The following SSR1 variants were observed in gnomAD, a reference collection of about 807,000 sequenced individuals.
SSR1 encodes the protein translocon-associated protein subunit alpha.
In SSR1, 13 loss-of-function variants were observed where a neutral mutation model predicts 36.1. The ratio of observed to expected loss-of-function variants is 0.36; its 90% CI spans 0.23 to 0.57. SSR1 has a LOEUF of 0.57. Ranked by LOEUF, SSR1 falls within the 20% of genes least tolerant of loss-of-function variation. The pLI is 0.81. For missense variants in SSR1, 291 were observed against 338.5 expected, an observed-to-expected ratio of 0.86 and a Z score of 1.10; for synonymous variants, 113 against 118.9, an observed-to-expected ratio of 0.95 and a Z score of 0.32.
At chr6:7,310,753 A>G (rs1308005582) in intron 1 of SSR1, among the ~76,000 whole-genome samples, 1 of 152,124 alleles carries the variant, frequency 6.6e-6, no homozygotes, top group African/African-American at 2.4e-5. Flanking sequence ...TCTACTGAAA[A>G]TGCAAAAATT....
chr6:7,295,371 C>T, intron 7 of SSR1, 21 bp downstream of exon 7: 3 of 1,573,048 alleles, frequency 1.9e-6, no homozygotes, highest in Non-Finnish European at 2.6e-6. Flanking sequence ...ACTTCCCAGC[C>T]AAGTCTGTAA....
intron 5 of SSR1, 79 bp from the exon 6 acceptor site, chr6:7,298,080 CATAAT>C: frequency 9.5e-7 from 1 of 1,047,872 alleles, no homozygotes; most frequent in South Asian, 1.5e-5. Flanking sequence ...AATTATAACA[CATAAT>C]AGAAGCTTTC....
chr6:7,300,978 T>C (rs1389761923), intron 4 of SSR1, among the ~76,000 whole-genome samples: 1 of 152,190 alleles, frequency 6.6e-6, no homozygotes, highest in Non-Finnish European at 1.5e-5. Context: ...GTAGACTCCA[T>C]TGTGTGTCTT....
rs1394766483 is a variant in SSR1 at position 7,285,684 on chromosome 6, A to AAAAAAG, written c.*4174_*4179dup. 6 of 114,640 alleles carry AAAAAAG rather than the reference A, an allele frequency of 5.2e-5. No homozygotes were observed. Among genetic ancestry groups the AAAAAAG allele is most frequent in the African/African-American group, 2.1e-4 (6 of 28,544 alleles). The allele number at this position is 114,640 out of a possible 1,614,324, so 7.1% of individuals were successfully genotyped here. On this transcript the variant is annotated 3_prime_UTR_variant, in exon 8 of 8. Transcript: ENST00000244763. The surrounding 1 kb of genome is among the most constrained non-coding windows in gnomAD (Gnocchi z 4.1). ...ATACAGTGAGACCCCATGTCAAAAA[A>AAAAAAG]AAAAAGAAAAAGAAAAAGAAAAAAG...
rs776215797 is a variant in SSR1 at position 7,301,309 on chromosome 6, C to T, written c.543+1G>A. 2 of 1,612,908 alleles carry T rather than the reference C, an allele frequency of 1.2e-6. No individual in the cohort carries two copies. Among genetic ancestry groups the T allele is most frequent in the African/African-American group, 1.3e-5 (1 of 74,934 alleles). The stretch of plus-strand genomic sequence containing the variant: ...CAAAAAGAAGGTTTAGAGGATCTTA[C>T]GTTCAAATCTTTGTAGTTCAGATTG... On this transcript the variant is annotated splice_donor_variant, in intron 4 of 7. Coordinates refer to ENST00000244763, the MANE Select transcript of SSR1 (RefSeq NM_003144.5). LOFTEE classifies it high-confidence loss of function.
chr6:7,302,202 C>T (rs1411682175), intron 3 of SSR1, among the ~76,000 whole-genome samples: 1 of 152,182 alleles, frequency 6.6e-6, no homozygotes, highest in Non-Finnish European at 1.5e-5. Context: ...AAATTCATAA[C>T]TTTCAATATT....
At chr6:7,291,821 C>T (rs929522081) in intron 7 of SSR1, among the ~76,000 whole-genome samples, 33 of 152,236 alleles carry the variant, frequency 2.2e-4, no homozygotes, top group African/African-American at 7.9e-4. Context: ...CCTATAATCC[C>T]AGCACTTTGG....
chr6:7,285,690 GAAAA>G lies in SSR1; in HGVS notation c.*4170_*4173del, dbSNP rs1757537072. On this transcript the variant is annotated 3_prime_UTR_variant, in exon 8 of 8. Coordinates refer to ENST00000244763, the MANE Select transcript of SSR1 (RefSeq NM_003144.5). The surrounding 1 kb of genome is among the most constrained non-coding windows in gnomAD (Gnocchi z 4.1). ...TGAGACCCCATGTCAAAAAAAAAAA[GAAAA>G]AGAAAAAGAAAAAAGATAAAAGCAG... 9.0e-6 allele frequency: 1 copy of G among 111,086 alleles called. No homozygotes were observed. Among genetic ancestry groups the G allele is most frequent in the Non-Finnish European group, 2.0e-5 (1 of 50,438 alleles). 6.9% of individuals were successfully genotyped at this position (111,086 alleles called of 1,614,324 possible).
Position 7,282,703 on chromosome 6 carries a change from T to TA in SSR1, c.*7160dup, listed in dbSNP as rs1349211342. ...AAGTAAGGAGTCAAGACAAAACACTTAGAGTGACCTTTTGGCCACTGCTGT... is the reference window on the plus strand; with the variant it reads ...AAGTAAGGAGTCAAGACAAAACACTTAAGAGTGACCTTTTGGCCACTGCTGT... On this transcript the variant is annotated 3_prime_UTR_variant, in exon 8 of 8. Transcript: ENST00000244763. 2.0e-5 allele frequency: 3 copies of TA among 152,258 alleles called. No homozygotes were observed. Among genetic ancestry groups the TA allele is most frequent in the African/African-American group, 7.2e-5 (3 of 41,464 alleles). The allele number at this position is 152,258 out of a possible 1,614,324, so 9.4% of individuals were successfully genotyped here. A position where few individuals can be genotyped will look rare whatever the true frequency, so the allele number is the denominator to read the frequency against.
In SSR1 at chr6:7,301,508, A is replaced by G; in HGVS notation, c.345T>C (p.Phe115=). The change falls in exon 4 of 8, where the codon TTT becomes TTC. Residue 115 remains phenylalanine (F), a synonymous_variant. Coordinates refer to ENST00000244763, the MANE Select transcript of SSR1 (RefSeq NM_003144.5). ...VGFTNKGTED[F]IVESLDASFR... ...ATGAGGCATCTAAGGATTCAACAAT[A>G]AAATCTTCTGTACCCTTGTTGGTAA... The G allele has an allele frequency of 6.2e-7, 1 of 1,614,122 alleles. No homozygotes were observed. The highest frequency in any genetic ancestry group is 8.5e-7 in the Non-Finnish European group (1 of 1,179,988).
chr6:7,289,081 G>C lies in SSR1; in HGVS notation c.*783C>G, dbSNP rs1325348046. 1 of 152,088 alleles carries C rather than the reference G, an allele frequency of 6.6e-6. No homozygotes were observed. Among genetic ancestry groups the C allele is most frequent in the African/African-American group, 2.4e-5 (1 of 41,394 alleles). The allele number at this position is 152,088 out of a possible 1,614,324, so 9.4% of individuals were successfully genotyped here. A position where few individuals can be genotyped will look rare whatever the true frequency, so the allele number is the denominator to read the frequency against. On this transcript the variant is annotated 3_prime_UTR_variant, in exon 8 of 8. Transcript: ENST00000244763. ...AACCTACACACAACTGAGTGAGTAG[G>C]TCTAAAATCACTCCAGAGCTACCTC...
At chr6:7,307,701 T>G (rs1176437370) in intron 2 of SSR1, among the ~76,000 whole-genome samples, 2 of 152,156 alleles carry the variant, frequency 1.3e-5, no homozygotes, top group Non-Finnish European at 2.9e-5. Flanking sequence ...CTCAGCTAAT[T>G]TTTTTAGTAG....
chr6:7,310,777 G>A (rs1403455874), intron 1 of SSR1, among the ~76,000 whole-genome samples: 3 of 152,116 alleles, frequency 2.0e-5, no homozygotes, highest in African/African-American at 7.2e-5. Context: ...TGGGTGTGGT[G>A]GCACACACCT....
chr6:7,303,730 C>T, intron 2 of SSR1, 93 bp from the exon 3 acceptor site: 1 of 932,634 alleles, frequency 1.1e-6, no homozygotes, highest in Non-Finnish European at 1.6e-6. Flanking sequence ...GTGGCTCACA[C>T]TTATAATCTC....
At chr6:7,291,889 T>C (rs557134688) in intron 7 of SSR1, among the ~76,000 whole-genome samples, 6 of 151,920 alleles carry the variant, frequency 3.9e-5, no homozygotes, top group African/African-American at 1.2e-4. Flanking sequence ...CTGGGCAACA[T>C]GGTGAAACCC....
chr6:7,313,176 C>T lies in SSR1; in HGVS notation c.-56G>A. 1 of 1,497,098 alleles carries T rather than the reference C, an allele frequency of 6.7e-7. No individual in the cohort carries two copies. The highest frequency in any genetic ancestry group is 1.7e-4 in the Middle Eastern group (1 of 5,792). 92.7% of individuals were successfully genotyped at this position (1,497,098 alleles called of 1,614,324 possible). ...CGGCTAAGGCTCTCGGCGGCTCCGG[C>T]GGTAATGGCGTTACTCTTCATCCGG... is the stretch of plus-strand genomic sequence containing the variant. On this transcript the variant is annotated 5_prime_UTR_variant, in exon 1 of 8. Transcript: ENST00000244763.
At chr6:7,294,921 G>A in intron 7 of SSR1, 1 of 496,986 alleles carries the variant, frequency 2.0e-6, no homozygotes, top group Non-Finnish European at 3.3e-6. Context: ...AAATTGTCGG[G>A]TAATATTTTA....
In SSR1 at chr6:7,285,181, A is replaced by G. The variant is rs551474017; in HGVS notation, c.*4683T>C. On this transcript the variant is annotated 3_prime_UTR_variant, in exon 8 of 8. Transcript: ENST00000244763. The surrounding 1 kb of genome is among the most constrained non-coding windows in gnomAD (Gnocchi z 4.1). ...CAGTCCAGAAGGAGATGTCAACAAG[A>G]TGACAGGCTGCCATGGGTACTGACA... 1 of 152,324 alleles carries G rather than the reference A, an allele frequency of 6.6e-6. No individual in the cohort carries two copies. Among genetic ancestry groups the G allele is most frequent in the South Asian group, 2.1e-4 (1 of 4,828 alleles). 9.4% of individuals were successfully genotyped at this position (152,324 alleles called of 1,614,324 possible).
rs1192312994 is a variant in SSR1, at chr6:7,283,938, G to A, written c.*5926C>T. ...GAGGCTGTTTCATTACAGATAACAA[G>A]GTTACCTAGGGCAGTTGTGAAGATG... is the stretch of plus-strand genomic sequence containing the variant. On this transcript the variant is annotated 3_prime_UTR_variant, in exon 8 of 8. Transcript: ENST00000244763. The A allele has an allele frequency of 6.6e-6, 1 of 152,196 alleles. No homozygotes were observed. The highest frequency in any genetic ancestry group is 1.5e-5 in the Non-Finnish European group (1 of 68,056). The allele number at this position is 152,196 out of a possible 1,614,324, so 9.4% of individuals were successfully genotyped here.
Sources: allele counts gnomAD v4.1 joint callset (sites outside exome capture counted in the v4.1 genomes callset), GRCh38; gene constraint gnomAD v4.1.1; non-coding constraint Gnocchi (gnomAD v3.1); transcripts MANE v1.5; gene names NCBI Gene and HGNC (gene_info 2026-07-23, HGNC 2026-07-21).